The following TNRC6A variants were observed in gnomAD, a reference collection of about 807,000 sequenced individuals.
TNRC6A encodes trinucleotide repeat-containing gene 6A protein.
TNRC6A carries 44 observed loss-of-function variants against 221.2 expected under a neutral mutation model. That is an observed-to-expected ratio of 0.20 (90% CI 0.16 to 0.26). The LOEUF (loss-of-function observed/expected upper bound fraction) is 0.26, where lower values mean the gene tolerates loss of function less well. Among genes scored for constraint, TNRC6A ranks in the 10% least tolerant of loss-of-function variants. The pLI, the probability that TNRC6A is intolerant of heterozygous loss-of-function variation, is 1.00. For missense variants in TNRC6A, 2,199 were observed against 2,404.4 expected, an observed-to-expected ratio of 0.91 and a Z score of 1.79; for synonymous variants, 847 against 838.5, an observed-to-expected ratio of 1.01 and a Z score of -0.18.
rs2055611085 is a variant in TNRC6A at position 24,685,604 on chromosome 16, G to A, written n.402+44595G>A. Among the ~76,000 whole-genome samples the A allele has an allele frequency of 2.0e-5, 3 of 152,160 alleles. No homozygotes were observed. The South Asian group carries it at 6.2e-4, about 32-fold the overall frequency. On this transcript the variant is annotated intron_variant and non_coding_transcript_variant, in intron 2 of 2. Transcript: ENST00000566108. ...TCTGCCTGCCTTGGCCTCCCAAAGT[G>A]CTGGGATTCTGGGTGTGAACCACCG...
At chr16:24,734,725 TC>T (rs2056724550) in intron 2 of TNRC6A, among the ~76,000 whole-genome samples, 1 of 152,250 alleles carries the variant, frequency 6.6e-6, no homozygotes, top group South Asian at 2.1e-4. Flanking sequence ...AATTTTGGTT[TC>T]TCCTTTTTTA....
At chr16:24,741,087 A>G (rs775977367) in intron 2 of TNRC6A, among the ~76,000 whole-genome samples, 4 of 152,246 alleles carry the variant, frequency 2.6e-5, no homozygotes, top group Non-Finnish European at 4.4e-5. Flanking sequence ...AGAGCCTGTC[A>G]TCTGTGAATA....
In TNRC6A at chr16:24,823,481, G is replaced by A. The variant is rs2058810089; in HGVS notation, c.5563G>A (p.Glu1855Lys). The change falls in exon 25 of 25, where the codon GAG (glutamate) becomes AAG (lysine). Residue 1855 changes from glutamate to lysine, a missense_variant. By Grantham distance (56) the Glu-to-Lys change is moderately conservative. Around this residue, in one of 8 missense-constraint regions of TNRC6A, gnomAD observed 20 missense variants for 25.6 expected, o/e 0.78. Transcript: ENST00000395799. The surrounding 1 kb of genome is among the most constrained non-coding windows in gnomAD (Gnocchi z 4.3). ...TCTTGCTGAGTTTGCCAGTGAAGAG[G>A]AGATCAGTCGTTTCTTTGCACAAAG... ...TILAEFASEE[E>K]ISRFFAQSQS... 1 of 1,614,086 alleles carries A rather than the reference G, an allele frequency of 6.2e-7. No individual in the cohort carries two copies. The highest frequency in any genetic ancestry group is 1.1e-5 in the South Asian group (1 of 91,056).
chr16:24,710,850 T>TTACAG (rs1567377889), intron 2 of TNRC6A, among the ~76,000 whole-genome samples: 1 of 151,086 alleles, frequency 6.6e-6, no homozygotes, highest in Non-Finnish European at 1.5e-5. Context: ...GTAGCTGGGA[T>TTACAG]TACAGGCACC....
In TNRC6A at chr16:24,789,540, A is replaced by T. The variant is rs769328453; in HGVS notation, c.898A>T (p.Ser300Cys). The T allele has an allele frequency of 3.7e-6, 6 of 1,614,206 alleles. No individual in the cohort carries two copies. In the Admixed American group the frequency reaches 1.0e-4, roughly 27 times the overall value. ...GSQNKFVVGS[S>C]SNNVGHGSST... ...CCAAAACAAGTTTGTAGTTGGTAGCAGCAGCAATAATGTGGGCCATGGAAG... is the reference window on the plus strand; with the variant it reads ...CCAAAACAAGTTTGTAGTTGGTAGCTGCAGCAATAATGTGGGCCATGGAAG... The change falls in exon 6 of 25, where the codon AGC (serine) becomes TGC (cysteine). Residue 300 changes from serine (S) to cysteine (C), a missense_variant. Transcript: ENST00000395799.
At chr16:24,657,577 C>A (rs1188122186) in intron 2 of TNRC6A, among the ~76,000 whole-genome samples, 1 of 151,926 alleles carries the variant, frequency 6.6e-6, no homozygotes, top group Non-Finnish European at 1.5e-5. Flanking sequence ...GCCATGATGG[C>A]ACGCACCTGT....
intron 4 of TNRC6A, among the ~76,000 whole-genome samples, chr16:24,771,989 T>A (rs1273428601): frequency 6.6e-6 from 1 of 152,230 alleles, no homozygotes; most frequent in Non-Finnish European, 1.5e-5. Context: ...ACTGCTCTGG[T>A]GCTACACTGG....
chr16:24,688,282 T>A (rs1206399259), intron 2 of TNRC6A, among the ~76,000 whole-genome samples: 3 of 152,092 alleles, frequency 2.0e-5, no homozygotes, highest in African/African-American at 7.2e-5. Flanking sequence ...ACCCTACTCA[T>A]TCTTGTATTC....
intron 1 of TNRC6A, among the ~76,000 whole-genome samples, chr16:24,637,436 A>G (rs898604537): frequency 6.6e-6 from 1 of 152,214 alleles, no homozygotes; most frequent in African/African-American, 2.4e-5. Flanking sequence ...ACTTGTTCAA[A>G]GAGTACGAGC....
intron 4 of TNRC6A, among the ~76,000 whole-genome samples, chr16:24,760,340 C>A (rs146222663): frequency 3.9e-5 from 6 of 152,250 alleles, no homozygotes; most frequent in Admixed American, 2.6e-4. Context: ...ATATTTGTTT[C>A]TTCAACATCT....
Position 24,622,798 on chromosome 16 carries a change from A to T in TNRC6A, n.276+12314A>T, listed in dbSNP as rs180786743. On this transcript the variant is annotated intron_variant and non_coding_transcript_variant, in intron 1 of 2. Coordinates refer to the TNRC6A transcript ENST00000566108. Reference sequence around the variant, plus strand: ...CACAAATGGCAATAACAGTTCTATTATATGGTGGAACTACCATTATTATCA... The same window carrying T: ...CACAAATGGCAATAACAGTTCTATTTTATGGTGGAACTACCATTATTATCA... 2.9e-3 allele frequency among the ~76,000 whole-genome samples: 442 copies of T among 152,338 alleles called. 4 individuals are homozygous for T. The highest frequency in any genetic ancestry group is 9.5e-3 in the South Asian group (46 of 4,822).
chr16:24,717,775 T>G (rs868321965), intron 2 of TNRC6A, among the ~76,000 whole-genome samples: 4 of 146,382 alleles, frequency 2.7e-5, no homozygotes, highest in Non-Finnish European at 4.5e-5. Context: ...TTTTTCTTTT[T>G]TTTTTTTTTT....
At chr16:24,766,598 C>A (rs929332483) in intron 4 of TNRC6A, among the ~76,000 whole-genome samples, 6 of 151,910 alleles carry the variant, frequency 3.9e-5, no homozygotes, top group Non-Finnish European at 7.4e-5. Flanking sequence ...ATTTGGCAGG[C>A]CAAAATTGGT....
chr16:24,777,080 C>A lies in TNRC6A; in HGVS notation c.311C>A (p.Pro104Gln), dbSNP rs575176088. The A allele has an allele frequency of 4.4e-6, 7 of 1,603,780 alleles. No individual in the cohort carries two copies. The highest frequency in any genetic ancestry group is 2.2e-5 in the South Asian group (2 of 90,752). ...QPQQQQQQQQ[P>Q]QQQQPQQQPQ... ...CAGCAGCAGCAGCAACAGCAGCAGC[C>A]GCAGCAGCAGCAGCCACAGCAGCAG... Residue 104 changes from proline (P) to glutamine (Q), a missense_variant, in exon 5 of 25, where the codon CCG becomes CAG. This residue lies in a region of TNRC6A where 1,405 missense variants were observed against 1,400.2 expected (regional missense o/e 1.00). Transcript: ENST00000395799.
intron 4 of TNRC6A, among the ~76,000 whole-genome samples, chr16:24,775,896 A>G (rs886899476): frequency 1.3e-5 from 2 of 152,234 alleles, no homozygotes; most frequent in African/African-American, 2.4e-5. Context: ...GAAACATTCA[A>G]CTGCTACCAA....
At chr16:24,626,592 TAC>T (rs1045951676) in intron 1 of TNRC6A, among the ~76,000 whole-genome samples, 10 of 151,904 alleles carry the variant, frequency 6.6e-5, no homozygotes, top group Non-Finnish European at 1.5e-5. Context: ...TTTTTACATA[TAC>T]ACATTCACAT....
chr16:24,705,013 T>G (rs984562599), intron 2 of TNRC6A, among the ~76,000 whole-genome samples: 1 of 152,128 alleles, frequency 6.6e-6, no homozygotes, highest in African/African-American at 2.4e-5. Flanking sequence ...TTTTTAATTT[T>G]TAAAAAGCTT....
chr16:24,646,288 A>G (rs1902284336), intron 2 of TNRC6A, among the ~76,000 whole-genome samples: 1 of 152,206 alleles, frequency 6.6e-6, no homozygotes, highest in Non-Finnish European at 1.5e-5. Flanking sequence ...CTTGAATTGG[A>G]ATTGACAGTA....
chr16:24,757,887 G>T (rs568307413), intron 3 of TNRC6A, among the ~76,000 whole-genome samples: 11 of 152,160 alleles, frequency 7.2e-5, no homozygotes, highest in Non-Finnish European at 1.6e-4. Flanking sequence ...TGGCTAAAGT[G>T]ATTATATGTA....
Sources: gnomAD v4.1 joint callset for allele counts (sites outside exome capture counted in the v4.1 genomes callset) on GRCh38, gnomAD v4.1.1 for gene constraint, gnomAD v4.1.1 regional missense constraint, Gnocchi (gnomAD v3.1) non-coding constraint, MANE v1.5 for transcripts, NCBI Gene and HGNC (gene_info 2026-07-23, HGNC 2026-07-21) for gene names.